Variants in OTX1 observed in about 807,000 individuals in gnomAD.
OTX1 encodes the protein homeobox protein OTX1.
A neutral mutation model predicts 26.7 loss-of-function variants in OTX1; 7 were observed. The observed-to-expected ratio is 0.26, with a 90% CI of 0.15 to 0.49. The LOEUF is 0.49. Among genes scored for constraint, OTX1 ranks in the 20% least tolerant of loss-of-function variants. OTX1 has a pLI of 0.98. For missense variants in OTX1, 414 were observed against 483.8 expected, an observed-to-expected ratio of 0.86 and a Z score of 1.35; for synonymous variants, 216 against 212.8, an observed-to-expected ratio of 1.01 and a Z score of -0.13.
chr2:63,050,548 G>A (rs1343966911), upstream of OTX1, among the ~76,000 whole-genome samples: 1 of 151,992 alleles, frequency 6.6e-6, no homozygotes, highest in Non-Finnish European at 1.5e-5. Context: ...GGCCCCCTCC[G>A]CGGCCAGGAC....
rs1397095932 is a variant in OTX1, at chr2:63,057,654, A to C, written c.*1338A>C. 6.6e-6 allele frequency: 1 copy of C among 152,094 alleles called. No individual in the cohort carries two copies. Among genetic ancestry groups the C allele is most frequent in the Non-Finnish European group, 1.5e-5 (1 of 68,034 alleles). 9.4% of individuals were successfully genotyped at this position (152,094 alleles called of 1,614,324 possible). ...CCTTCGTTCTCCGAAATCTGCGGAG[A>C]GCCCGCGCGCCTGTGTATCAATTTT... On this transcript the variant is annotated 3_prime_UTR_variant, in exon 5 of 5. Coordinates refer to ENST00000282549, the MANE Select transcript of OTX1 (RefSeq NM_014562.4).
rs2153388399 is a variant in OTX1, at chr2:63,056,375, C to T, written c.*59C>T. The T allele has an allele frequency of 7.0e-7, 1 of 1,432,818 alleles. No homozygotes were observed. Among genetic ancestry groups the T allele is most frequent in the Non-Finnish European group, 9.6e-7 (1 of 1,039,892 alleles). 88.8% of individuals were successfully genotyped at this position (1,432,818 alleles called of 1,614,324 possible). A position where few individuals can be genotyped will look rare whatever the true frequency, so the allele number is the denominator to read the frequency against. ...ACCTGCGCCCTCCGTGGTCCCGATC[C>T]TGTTGCTGCTGCTGCACCGCCCGCC... On this transcript the variant is annotated 3_prime_UTR_variant, in exon 5 of 5. Transcript: ENST00000282549.
At chr2:63,054,301 G>A (rs2062048299) in intron 4 of OTX1, 103 bp downstream of exon 4, 1 of 1,218,110 alleles carries the variant, frequency 8.2e-7, no homozygotes, top group Admixed American at 3.0e-5. Context: ...CATCCTGTGG[G>A]GGTGGGCTTA....
chr2:63,052,930 T>C lies in OTX1; in HGVS notation c.-61T>C. 1 of 1,143,400 alleles carries C rather than the reference T, an allele frequency of 8.7e-7. No homozygotes were observed. The highest frequency in any genetic ancestry group is 1.3e-6 in the Non-Finnish European group (1 of 767,848). The allele number at this position is 1,143,400 out of a possible 1,614,324, so 70.8% of individuals were successfully genotyped here. ...CTGAAGGACTGCGTGGTGGGAGCCC[T>C]GCACCGCTCCTGGCCCCGGGCCCCC... is the stretch of plus-strand genomic sequence containing the variant. On this transcript the variant is annotated 5_prime_UTR_variant, in exon 3 of 5. Transcript: ENST00000282549.
chr2:63,056,079 T>C lies in OTX1; in HGVS notation c.828T>C (p.His276=). The C allele has an allele frequency of 6.2e-7, 1 of 1,612,956 alleles. No individual in the cohort carries two copies. The highest frequency in any genetic ancestry group is 2.2e-5 in the East Asian group (1 of 44,838). Reference sequence around the variant, plus strand: ...CACCCTCCTCCATGGCGGGCCACCATCATCACCACCCACATGCGCACCACC... The same window carrying C: ...CACCCTCCTCCATGGCGGGCCACCACCATCACCACCCACATGCGCACCACC... ...PMAPSSMAGH[H]HHHPHAHHPL... The change falls in exon 5 of 5, where the codon CAT becomes CAC. Residue 276 remains histidine (H), a synonymous_variant. Transcript: ENST00000282549.
Position 63,057,016 on chromosome 2 carries a change from T to C in OTX1, c.*700T>C, listed in dbSNP as rs2062073493. ...AGCTTCCGCCTCGGCGGGAACGCTG[T>C]ACATAGTCAGGTCCGTTCCAGGGAC... On this transcript the variant is annotated 3_prime_UTR_variant, in exon 5 of 5. Transcript: ENST00000282549. 2.0e-5 allele frequency: 3 copies of C among 152,346 alleles called. No individual in the cohort carries two copies. The highest frequency in any genetic ancestry group is 7.2e-5 in the African/African-American group (3 of 41,436). 9.4% of individuals were successfully genotyped at this position (152,346 alleles called of 1,614,324 possible).
rs749961493 is a variant in OTX1, at chr2:63,055,583, A to C, written c.332A>C (p.Lys111Thr). ...SGTKSRPAKK[K>T]SSPVRESSGS... is the part of the protein sequence containing the mutation. Reference sequence around the variant, plus strand: ...ACCAAGAGCCGCCCAGCCAAGAAGAAGTCCTCTCCAGTGCGGGAGAGCTCG... The same window carrying C: ...ACCAAGAGCCGCCCAGCCAAGAAGACGTCCTCTCCAGTGCGGGAGAGCTCG... Residue 111 changes from lysine to threonine, a missense_variant, in exon 5 of 5, where the codon AAG becomes ACG. Lys to Thr is a moderately conservative substitution (Grantham distance 78, BLOSUM62 -1). Coordinates refer to ENST00000282549, the MANE Select transcript of OTX1 (RefSeq NM_014562.4). The surrounding 1 kb of genome is among the most constrained non-coding windows in gnomAD (Gnocchi z 5.2). 6.2e-7 allele frequency: 1 copy of C among 1,614,150 alleles called. No individual in the cohort carries two copies. The highest frequency in any genetic ancestry group is 8.5e-7 in the Non-Finnish European group (1 of 1,180,028).
chr2:63,051,856 C>T (rs951656844), intron 2 of OTX1: 3 of 152,616 alleles, frequency 2.0e-5, no homozygotes, highest in African/African-American at 7.2e-5. Context: ...CCCTCCCTGA[C>T]CCCTGAGAGT....
In OTX1 at chr2:63,055,682, G is replaced by A. The variant is rs774184032; in HGVS notation, c.431G>A (p.Ser144Asn). The stretch of plus-strand genomic sequence containing the variant: ...GCCTCGTCCTCTAGCTCGGCGTCCA[G>A]CTCTTCCGCCAACCCAGCGGCTGCA... ...SSASSSSSAS[S>N]SSANPAAAAA... The change falls in exon 5 of 5, where the codon AGC (serine) becomes AAC (asparagine). Residue 144 changes from serine (S) to asparagine (N), a missense_variant. Coordinates refer to ENST00000282549, the MANE Select transcript of OTX1 (RefSeq NM_014562.4). The surrounding 1 kb of genome is among the most constrained non-coding windows in gnomAD (Gnocchi z 5.2). The A allele has an allele frequency of 6.2e-7, 1 of 1,613,890 alleles. No individual in the cohort carries two copies. The highest frequency in any genetic ancestry group is 8.5e-7 in the Non-Finnish European group (1 of 1,179,982).
rs1574630757 is a variant in OTX1 at position 63,057,059 on chromosome 2, T to C, written c.*743T>C. The C allele has an allele frequency of 6.6e-6, 1 of 152,348 alleles. No individual in the cohort carries two copies. The highest frequency in any genetic ancestry group is 1.5e-5 in the Non-Finnish European group (1 of 68,070). The allele number at this position is 152,348 out of a possible 1,614,324, so 9.4% of individuals were successfully genotyped here. A position where few individuals can be genotyped will look rare whatever the true frequency, so the allele number is the denominator to read the frequency against. ...CCAGGGACCACTTAAACTTTTTAGT[T>C]GCTGTTGGTTGGTTGAACTGAACAT... On this transcript the variant is annotated 3_prime_UTR_variant, in exon 5 of 5. Coordinates refer to ENST00000282549, the MANE Select transcript of OTX1 (RefSeq NM_014562.4).
In OTX1 at chr2:63,056,123, GCCACCACCACCACCATCA is replaced by G. The variant is rs763012534; in HGVS notation, c.888_905del (p.His296_His301del). 5 of 1,613,704 alleles carry G rather than the reference GCCACCACCACCACCATCA, an allele frequency of 3.1e-6. No individual in the cohort carries two copies. Among genetic ancestry groups the G allele is most frequent in the South Asian group, 1.1e-5 (1 of 91,040 alleles). On this transcript the variant is annotated inframe_deletion, in exon 5 of 5. Transcript: ENST00000282549. ...CACCACCCGTTGAGCCAGTCCTCAG[GCCACCACCACCACCATCA>G]CCACCACCACCACCAAGGCTACGGT...
Position 63,055,863 on chromosome 2 carries a change from G to C in OTX1, c.612G>C (p.Ser204=), listed in dbSNP as rs759256051. 2.5e-6 allele frequency: 4 copies of C among 1,612,328 alleles called. No individual in the cohort carries two copies. The Admixed American group carries it at 5.0e-5, about 20-fold the overall frequency. The change falls in exon 5 of 5, where the codon TCG becomes TCC. Residue 204 remains serine (S), a synonymous_variant. Coordinates refer to ENST00000282549, the MANE Select transcript of OTX1 (RefSeq NM_014562.4). The surrounding 1 kb of genome is among the most constrained non-coding windows in gnomAD (Gnocchi z 5.2). ...PEPLAAPSNT[S]CMQRSVAAGA... The stretch of plus-strand genomic sequence containing the variant: ...CATTGGCCGCGCCTAGCAACACCTC[G>C]TGTATGCAGCGCTCCGTAGCTGCAG...
Position 63,055,828 on chromosome 2 carries a change from G to C in OTX1, c.577G>C (p.Val193Leu), listed in dbSNP as rs778766212. The stretch of plus-strand genomic sequence containing the variant: ...AGGCTCAGCGCCCGCGTCCGTGTCG[G>C]TGCCGGAGCCATTGGCCGCGCCTAG... ...SPGSAPASVS[V>L]PEPLAAPSNT... The change falls in exon 5 of 5, where the codon GTG (valine) becomes CTG (leucine). Residue 193 changes from valine to leucine, a missense_variant. Physicochemically the swap from Val to Leu is conservative, Grantham distance 32 (BLOSUM62 1). Transcript: ENST00000282549. This position sits in a 1 kb window ranked among gnomAD's most constrained non-coding sequence, Gnocchi z 5.2. The C allele has an allele frequency of 1.1e-5, 18 of 1,612,152 alleles. No individual in the cohort carries two copies. The South Asian group carries it at 1.9e-4, about 17-fold the overall frequency.
Position 63,052,933 on chromosome 2 carries a change from AC to A in OTX1, c.-56del. ...AAGGACTGCGTGGTGGGAGCCCTGC[AC>A]CGCTCCTGGCCCCGGGCCCCCTGGA... On this transcript the variant is annotated 5_prime_UTR_variant, in exon 3 of 5. Transcript: ENST00000282549. The A allele has an allele frequency of 8.5e-7, 1 of 1,178,492 alleles. No individual in the cohort carries two copies. The highest frequency in any genetic ancestry group is 1.3e-6 in the Non-Finnish European group (1 of 798,914). The allele number at this position is 1,178,492 out of a possible 1,614,324, so 73.0% of individuals were successfully genotyped here. A position where few individuals can be genotyped will look rare whatever the true frequency, so the allele number is the denominator to read the frequency against.
chr2:63,049,886 G>C (rs2062010448), upstream of OTX1, among the ~76,000 whole-genome samples: 3 of 152,328 alleles, frequency 2.0e-5, no homozygotes, highest in South Asian at 6.2e-4. This position sits in a 1 kb window ranked among gnomAD's most constrained non-coding sequence, Gnocchi z 4.8. Flanking sequence ...GCCTCAAGGA[G>C]GATCCTTACG....
Position 63,054,191 on chromosome 2 carries a change from G to C in OTX1, c.242G>C (p.Arg81Thr). ...VALKINLPES[R>T]VQVWFKNRRA... is the part of the protein sequence containing the mutation. The stretch of plus-strand genomic sequence containing the variant: ...CTCAAGATCAACCTGCCGGAGTCTA[G>C]AGTCCAGGTGCGCACTCCCCGGGCT... Residue 81 changes from arginine (R) to threonine (T), a missense_variant, in exon 4 of 5, where the codon AGA becomes ACA. Around this residue, in one of 3 missense-constraint regions of OTX1, gnomAD observed 46 missense variants for 94.3 expected, o/e 0.49. Transcript: ENST00000282549. 6.3e-7 allele frequency: 1 copy of C among 1,594,270 alleles called. No homozygotes were observed. The highest frequency in any genetic ancestry group is 8.6e-7 in the Non-Finnish European group (1 of 1,168,850).
At chr2:63,053,903 C>T in intron 3 of OTX1, 144 bp from the exon 4 acceptor site, 1 of 949,406 alleles carries the variant, frequency 1.1e-6, no homozygotes, top group Non-Finnish European at 1.5e-6. Context: ...TCAGGCTCGG[C>T]CGCCCGAGGG....
intron 4 of OTX1, 104 bp downstream of exon 4, chr2:63,054,302 G>T: frequency 8.2e-7 from 1 of 1,212,596 alleles, no homozygotes. Flanking sequence ...ATCCTGTGGG[G>T]GTGGGCTTAC....
rs750447807 is a variant in OTX1 at position 63,055,965 on chromosome 2, C to A, written c.714C>A (p.Pro238=). ...GGSYGQGYPT[P]SSSYFGGVDC... ...GCTACGGCCAAGGCTACCCTACGCC[C>A]TCCTCTTCCTACTTTGGCGGCGTGG... is the stretch of plus-strand genomic sequence containing the variant. The change falls in exon 5 of 5, where the codon CCC becomes CCA. Residue 238 remains proline (P), a synonymous_variant. Coordinates refer to ENST00000282549, the MANE Select transcript of OTX1 (RefSeq NM_014562.4). The surrounding 1 kb of genome is among the most constrained non-coding windows in gnomAD (Gnocchi z 5.2). 6.2e-7 allele frequency: 1 copy of A among 1,613,590 alleles called. No individual in the cohort carries two copies. The highest frequency in any genetic ancestry group is 8.5e-7 in the Non-Finnish European group (1 of 1,180,030).
Sources: allele counts gnomAD v4.1 joint callset (sites outside exome capture counted in the v4.1 genomes callset), GRCh38; gene constraint gnomAD v4.1.1; regional missense constraint gnomAD v4.1.1; non-coding constraint Gnocchi (gnomAD v3.1); transcripts MANE v1.5; gene names NCBI Gene and HGNC (gene_info 2026-07-23, HGNC 2026-07-21).